Variants in SEMA3A observed in about 807,000 individuals in gnomAD.
SEMA3A encodes the protein semaphorin 3A.
In SEMA3A, 29 loss-of-function variants were observed where a neutral mutation model predicts 97.9. The observed-to-expected ratio is 0.30, with a 90% CI of 0.22 to 0.40. The LOEUF is 0.40. Among genes scored for constraint, SEMA3A ranks in the 10% least tolerant of loss-of-function variants. The probability of loss-of-function intolerance (pLI) is 1.00; values close to 1 mark genes in which losing one functional copy is unlikely to be tolerated. For synonymous variants in SEMA3A, 321 were observed against 323.7 expected, an observed-to-expected ratio of 0.99 and a Z score of 0.09; for missense variants, 763 against 951.3, an observed-to-expected ratio of 0.80 and a Z score of 2.60.
intron 1 of SEMA3A, among the ~76,000 whole-genome samples, chr7:84,193,446 C>A (rs1047647032): frequency 3.9e-5 from 6 of 152,042 alleles, no homozygotes; most frequent in Admixed American, 6.6e-5. Flanking sequence ...GAGCTTCTCA[C>A]TGCTCCACCC....
chr7:84,405,859 A>C (rs985672619), intron 1 of SEMA3A, among the ~76,000 whole-genome samples: 1 of 152,226 alleles, frequency 6.6e-6, no homozygotes, highest in Non-Finnish European at 1.5e-5. Context: ...ATGAGAACAA[A>C]GACACAACAT....
At chr7:84,024,046 A>T (rs1040502402) in intron 6 of SEMA3A, among the ~76,000 whole-genome samples, 1 of 151,932 alleles carries the variant, frequency 6.6e-6, no homozygotes, top group Non-Finnish European at 1.5e-5. Flanking sequence ...TCACAGAAAT[A>T]TACATACACA....
In SEMA3A at chr7:84,194,522, T is replaced by C. The variant is rs1012673915; in HGVS notation, c.65A>G (p.Tyr22Cys). The change falls in exon 1 of 17, where the codon TAT (tyrosine) becomes TGT (cysteine). Residue 22 changes from tyrosine to cysteine, a missense_variant. Coordinates refer to ENST00000265362, the MANE Select transcript of SEMA3A (RefSeq NM_006080.3). ...WGVLLTARAN[Y>C]QNGKNNVPRL... ...TGGCACATTGTTCTTCCCATTCTGA[T>C]AGTTTGCTCTTGCTGTAAGTAATAC... 3.1e-6 allele frequency: 5 copies of C among 1,613,288 alleles called. No homozygotes were observed. The highest frequency in any genetic ancestry group is 3.4e-6 in the Non-Finnish European group (4 of 1,179,408).
chr7:84,316,922 G>A lies in SEMA3A; in HGVS notation c.-168-9630C>T, dbSNP rs145518501. 6.1e-4 allele frequency among the ~76,000 whole-genome samples: 93 copies of A among 152,208 alleles called. 2 individuals carry two copies. The highest frequency in any genetic ancestry group is 2.2e-3 in the African/African-American group (92 of 41,524). On this transcript the variant is annotated intron_variant, in intron 2 of 3. Transcript: ENST00000424555. The stretch of plus-strand genomic sequence containing the variant: ...AAGGTGAAGCTTTCACAAGTAGCAG[G>A]CTCCAAATAAACCAGTACGCCCAGC...
chr7:84,367,738 A>G (rs928651292), intron 2 of SEMA3A, among the ~76,000 whole-genome samples: 1 of 151,160 alleles, frequency 6.6e-6, no homozygotes, highest in Non-Finnish European at 1.5e-5. Flanking sequence ...GTAGACCTAT[A>G]TATATAGGTA....
intron 3 of SEMA3A, among the ~76,000 whole-genome samples, chr7:84,272,048 A>T (rs770980465): frequency 4.6e-5 from 7 of 152,088 alleles, no homozygotes; most frequent in Non-Finnish European, 8.8e-5. Flanking sequence ...GCTGATAGAT[A>T]TACTCAGAGT....
chr7:84,434,086 A>G (rs1400169480), intron 1 of SEMA3A, among the ~76,000 whole-genome samples: 1 of 152,004 alleles, frequency 6.6e-6, no homozygotes, highest in Non-Finnish European at 1.5e-5. Context: ...ATCAGATGCC[A>G]TTTGTCTTGA....
rs1199279094 is a variant in SEMA3A at position 84,064,531 on chromosome 7, C to T, written c.454-3973G>A. ...TGCTGTACTCAGGAAACCCATCTCA[C>T]GTGCAGAGACACACATAGGCTCAAA... On this transcript the variant is annotated intron_variant, in intron 4 of 16. Transcript: ENST00000265362. 7.9e-3 allele frequency among the ~76,000 whole-genome samples: 1,194 copies of T among 151,772 alleles called. 10 individuals are homozygous for T. The highest frequency in any genetic ancestry group is 0.026 in the African/African-American group (1,062 of 41,146).
upstream of SEMA3A, chr7:84,194,972 T>C: frequency 6.3e-6 from 1 of 158,004 alleles, no homozygotes; most frequent in Non-Finnish European, 1.4e-5. Context: ...CCCTGCTTCA[T>C]TCGGCTCCGG....
intron 1 of SEMA3A, among the ~76,000 whole-genome samples, chr7:84,152,460 C>T (rs375622165): frequency 3.6e-5 from 5 of 139,756 alleles, no homozygotes; most frequent in Non-Finnish European, 7.6e-5. Context: ...CCAAACACCG[C>T]GTATTCTCAC....
At chr7:83,970,243 AG>A (rs920021883) in intron 15 of SEMA3A, among the ~76,000 whole-genome samples, 1 of 152,188 alleles carries the variant, frequency 6.6e-6, no homozygotes, top group African/African-American at 2.4e-5. Flanking sequence ...TTCCTCTTTT[AG>A]TGGGATAATT....
intron 1 of SEMA3A, among the ~76,000 whole-genome samples, chr7:84,139,650 G>A (rs150422927): frequency 0.013 from 2,027 of 152,010 alleles, 27 homozygotes; most frequent in African/African-American, 0.032. Flanking sequence ...CATAGCTTGC[G>A]GGGCAGAAAA....
At chr7:84,333,859 A>G (rs1282566560) in intron 2 of SEMA3A, among the ~76,000 whole-genome samples, 2 of 119,646 alleles carry the variant, frequency 1.7e-5, no homozygotes, top group Non-Finnish European at 3.3e-5. Flanking sequence ...TTAAAGGGAA[A>G]TTACTTTTGA....
At chr7:84,487,640 G>C (rs2116446480) in intron 1 of SEMA3A, among the ~76,000 whole-genome samples, 1 of 152,190 alleles carries the variant, frequency 6.6e-6, no homozygotes, top group South Asian at 2.1e-4. Context: ...ACTTCAAGAA[G>C]TTAACCTGTG....
rs79430325 is a variant in SEMA3A at position 84,108,980 on chromosome 7, A to G, written c.453+1490T>C. 8.4e-3 allele frequency among the ~76,000 whole-genome samples: 1,283 copies of G among 151,872 alleles called. 19 individuals are homozygous for G. Among genetic ancestry groups the G allele is most frequent in the African/African-American group, 0.03 (1,225 of 41,378 alleles). ...TCATGTAGAGCATAATTCCTGACGC[A>G]TGTAAAAAGTGCAATATCATGACTC... is the stretch of plus-strand genomic sequence containing the variant. On this transcript the variant is annotated intron_variant, in intron 4 of 16. Transcript: ENST00000265362.
At chr7:84,172,563 A>G (rs1010595302) in intron 1 of SEMA3A, among the ~76,000 whole-genome samples, 15 of 152,064 alleles carry the variant, frequency 9.9e-5, no homozygotes, top group African/African-American at 3.4e-4. Context: ...CTGGGACTAC[A>G]GGCATCCGCC....
chr7:84,250,205 A>T (rs1048508437), intron 3 of SEMA3A, among the ~76,000 whole-genome samples: 18 of 152,122 alleles, frequency 1.2e-4, no homozygotes, highest in African/African-American at 4.3e-4. Context: ...CTTATGTATC[A>T]CTTTATTACT....
At chr7:84,322,210 C>A (rs1801666330) in intron 2 of SEMA3A, among the ~76,000 whole-genome samples, 1 of 151,934 alleles carries the variant, frequency 6.6e-6, no homozygotes, top group South Asian at 2.1e-4. Context: ...ATGAGAGTTA[C>A]AATTCAAAGT....
At chr7:84,010,038 C>T (rs970184137) in intron 9 of SEMA3A, among the ~76,000 whole-genome samples, 1 of 151,258 alleles carries the variant, frequency 6.6e-6, no homozygotes, top group African/African-American at 2.4e-5. Flanking sequence ...TAATGTAACC[C>T]TAGTGCTGTA....
Sources: allele counts gnomAD v4.1 joint callset (sites outside exome capture counted in the v4.1 genomes callset), GRCh38; gene constraint gnomAD v4.1.1; transcripts MANE v1.5; gene names NCBI Gene and HGNC (gene_info 2026-07-23, HGNC 2026-07-21).